SLX4IP: variants seen among roughly 807,000 people sequenced by gnomAD.
SLX4IP encodes the protein SLX4 interacting protein, also known as protein SLX4IP.
SLX4IP carries 34 observed loss-of-function variants against 32.9 expected under a neutral mutation model. The observed-to-expected ratio is 1.03, with a 90% CI of 0.79 to 1.38. The LOEUF (loss-of-function observed/expected upper bound fraction) is 1.38. SLX4IP is among the 40% of genes most tolerant of loss of function. The probability of loss-of-function intolerance (pLI) is 0.00; values close to 1 mark genes in which losing one functional copy is unlikely to be tolerated. For missense variants in SLX4IP, 444 were observed against 479.0 expected (o/e 0.93, Z 0.68); for synonymous variants, 172 against 171.7 (o/e 1.00, Z -0.01).
At chr20:10,600,381 G>C (rs1308348868) in intron 5 of SLX4IP, among the ~76,000 whole-genome samples, 1 of 152,132 alleles carries the variant, frequency 6.6e-6, no homozygotes, top group Non-Finnish European at 1.5e-5. Flanking sequence ...TTGGGCACTG[G>C]GGAGCCATGG....
In SLX4IP at chr20:10,624,371, T is replaced by G. The variant is rs1332166085; in HGVS notation, c.*992T>G. ...CCAGTTGGAAGGCTTCGCAGGCAGT[T>G]CAAATTTCAAGATGGGAGCCTTCCC... On this transcript the variant is annotated 3_prime_UTR_variant, in exon 8 of 8. Transcript: ENST00000334534. 6.6e-6 allele frequency: 1 copy of G among 152,152 alleles called. No homozygotes were observed. Among genetic ancestry groups the G allele is most frequent in the African/African-American group, 2.4e-5 (1 of 41,428 alleles). The allele number at this position is 152,152 out of a possible 1,614,324, so 9.4% of individuals were successfully genotyped here.
At chr20:10,491,636 C>T (rs1418675654) in intron 2 of SLX4IP, among the ~76,000 whole-genome samples, 1 of 152,066 alleles carries the variant, frequency 6.6e-6, no homozygotes, top group African/African-American at 2.4e-5. Flanking sequence ...AAGTGATTCT[C>T]TTATTAAATC....
intron 2 of SLX4IP, among the ~76,000 whole-genome samples, chr20:10,498,115 T>C (rs1220484148): frequency 6.6e-6 from 1 of 150,634 alleles, no homozygotes; most frequent in African/African-American, 2.4e-5. Flanking sequence ...ATAGCAATAT[T>C]CTTCCTTAAC....
At chr20:10,538,610 CTG>C (rs2066070996) in intron 2 of SLX4IP, among the ~76,000 whole-genome samples, 1 of 151,856 alleles carries the variant, frequency 6.6e-6, no homozygotes, top group South Asian at 2.1e-4. Flanking sequence ...ACTGCAACCT[CTG>C]CCTCCTGGGT....
At chr20:10,584,421 C>A (rs962598929) in intron 4 of SLX4IP, among the ~76,000 whole-genome samples, 2 of 152,196 alleles carry the variant, frequency 1.3e-5, no homozygotes, top group African/African-American at 4.8e-5. Context: ...ACAGAACTTA[C>A]ATTTTGTTTT....
chr20:10,513,505 G>T (rs745356822), intron 2 of SLX4IP, among the ~76,000 whole-genome samples: 14 of 152,234 alleles, frequency 9.2e-5, no homozygotes, highest in Non-Finnish European at 1.8e-4. Context: ...CATCATGGAA[G>T]TCGGGGGTAT....
At chr20:10,576,823 C>T (rs2066528995) in intron 4 of SLX4IP, among the ~76,000 whole-genome samples, 2 of 152,072 alleles carry the variant, frequency 1.3e-5, no homozygotes, top group South Asian at 2.1e-4. Context: ...AAAGGGGACA[C>T]CAAAAATATG....
intron 6 of SLX4IP, among the ~76,000 whole-genome samples, chr20:10,606,213 T>A (rs182426178): frequency 1.3e-5 from 2 of 152,336 alleles, no homozygotes; most frequent in African/African-American, 4.8e-5. Flanking sequence ...GTAGTTATAT[T>A]TGATCTTAAG....
At chr20:10,438,216 C>CTT (rs34236396) in intron 1 of SLX4IP, among the ~76,000 whole-genome samples, 12 of 141,248 alleles carry the variant, frequency 8.5e-5, no homozygotes, top group Non-Finnish European at 1.4e-4. Flanking sequence ...TGGAAGAGGC[C>CTT]TTTTTTTTTT....
chr20:10,473,713 C>T (rs2065447615), intron 2 of SLX4IP, among the ~76,000 whole-genome samples: 1 of 152,018 alleles, frequency 6.6e-6, no homozygotes, highest in South Asian at 2.1e-4. Context: ...AGCAATTCTC[C>T]TGCCTCAGCC....
intron 3 of SLX4IP, among the ~76,000 whole-genome samples, chr20:10,556,819 A>G (rs542408326): frequency 6.6e-6 from 1 of 152,322 alleles, no homozygotes; most frequent in South Asian, 2.1e-4. Flanking sequence ...CCTTCTCACA[A>G]TGGTCAGTCA....
At chr20:10,477,303 G>A (rs1057350903) in intron 2 of SLX4IP, among the ~76,000 whole-genome samples, 1 of 152,026 alleles carries the variant, frequency 6.6e-6, no homozygotes, top group Admixed American at 6.5e-5. Context: ...GCACCACCAC[G>A]CCTGGCTAAT....
chr20:10,532,053 T>C (rs1471285572), intron 2 of SLX4IP, among the ~76,000 whole-genome samples: 1 of 152,208 alleles, frequency 6.6e-6, no homozygotes, highest in African/African-American at 2.4e-5. Context: ...AGCAGGAATT[T>C]GCCTTTTTCA....
At chr20:10,588,053 GAATA>G (rs1227788503) in intron 4 of SLX4IP, among the ~76,000 whole-genome samples, 3 of 151,600 alleles carry the variant, frequency 2.0e-5, no homozygotes, top group African/African-American at 7.3e-5. Flanking sequence ...CTATAGAATG[GAATA>G]AATATTTTCA....
At position 10,458,158 on chromosome 20, in the gene SLX4IP, C is replaced by CT. The variant is rs755267647; in HGVS notation, c.-29-8dup. The CT allele has an allele frequency of 8.2e-3, 10,177 of 1,247,976 alleles. No individual in the cohort carries two copies. The highest frequency in any genetic ancestry group is 0.014 in the South Asian group (890 of 64,366). 77.3% of individuals were successfully genotyped at this position (1,247,976 alleles called of 1,614,324 possible). A position where few individuals can be genotyped will look rare whatever the true frequency, so the allele number is the denominator to read the frequency against. On this transcript the variant is annotated splice_polypyrimidine_tract_variant and intron_variant, in intron 1 of 7. Transcript: ENST00000334534. ...GAAATTTTAATATACCTAATTGTAA[C>CT]TTTTTTTTTTCTTAAAGGTCTGTAG...
At chr20:10,597,433 A>C (rs1431844797) in intron 4 of SLX4IP, among the ~76,000 whole-genome samples, 2 of 152,230 alleles carry the variant, frequency 1.3e-5, no homozygotes, top group African/African-American at 4.8e-5. Flanking sequence ...GGAGAGAGGA[A>C]GGAATTAAGC....
At chr20:10,600,677 A>T (rs1396346679) in intron 5 of SLX4IP, among the ~76,000 whole-genome samples, 1 of 152,170 alleles carries the variant, frequency 6.6e-6, no homozygotes, top group African/African-American at 2.4e-5. Context: ...TTATTACCTC[A>T]GTCATTGCCA....
In SLX4IP at chr20:10,589,942, T is replaced by C. The variant is rs201573637; in HGVS notation, c.239-8733T>C. 2.4e-4 allele frequency among the ~76,000 whole-genome samples: 37 copies of C among 152,272 alleles called. 1 individual carries two copies. The East Asian group carries it at 6.9e-3, about 29-fold the overall frequency. ...GTTACTTTTAATTAGGAAAAAAATTTTTTTTACTTTGAATTTTTTTTAACT... is the reference window on the plus strand; with the variant it reads ...GTTACTTTTAATTAGGAAAAAAATTCTTTTTACTTTGAATTTTTTTTAACT... On this transcript the variant is annotated intron_variant, in intron 4 of 7. Coordinates refer to ENST00000334534, the MANE Select transcript of SLX4IP (RefSeq NM_001009608.3).
At chr20:10,450,608 T>C (rs1406234340) in intron 1 of SLX4IP, among the ~76,000 whole-genome samples, 1 of 152,224 alleles carries the variant, frequency 6.6e-6, no homozygotes, top group Non-Finnish European at 1.5e-5. Context: ...GATAAAGATA[T>C]TTTTGTCCAT....
Sources: allele counts gnomAD v4.1 joint callset (sites outside exome capture counted in the v4.1 genomes callset), GRCh38; gene constraint gnomAD v4.1.1; transcripts MANE v1.5; gene names NCBI Gene and HGNC (gene_info 2026-07-23, HGNC 2026-07-21).